VRTN: variants seen among roughly 807,000 people sequenced by gnomAD.
The protein encoded by VRTN is vertnin.
In VRTN, 5 loss-of-function variants were observed where a neutral mutation model predicts 18.2. The ratio of observed to expected loss-of-function variants is 0.27; its 90% CI spans 0.14 to 0.58. The LOEUF is 0.58. Among genes scored for constraint, VRTN ranks in the 20% least tolerant of loss-of-function variants. The probability of loss-of-function intolerance (pLI) is 0.91; values close to 1 mark genes in which losing one functional copy is unlikely to be tolerated. For synonymous variants in VRTN, 381 were observed against 393.7 expected (o/e 0.97, Z 0.38); for missense variants, 741 against 939.4 (o/e 0.79, Z 2.76).
intron 1 of VRTN, among the ~76,000 whole-genome samples, chr14:74,355,737 C>T (rs1458137767): frequency 1.3e-5 from 2 of 151,726 alleles, no homozygotes; most frequent in African/African-American, 4.8e-5. Flanking sequence ...AATGGGGTTT[C>T]ACTATGTTGG....
chr14:74,326,742 A>C (rs1459842751), intron 1 of VRTN, among the ~76,000 whole-genome samples: 2 of 152,012 alleles, frequency 1.3e-5, no homozygotes, highest in Non-Finnish European at 2.9e-5. Flanking sequence ...CGAGCTCCAC[A>C]CCACACCATT....
intron 1 of VRTN, among the ~76,000 whole-genome samples, chr14:74,331,541 ATTTT>A (rs1371429576): frequency 5.5e-4 from 28 of 50,698 alleles, no homozygotes; most frequent in African/African-American, 1.3e-3. Flanking sequence ...AAAAAAAAAA[ATTTT>A]ATATATATAT....
rs371475071 is a variant in VRTN at position 74,358,330 on chromosome 14, G to A, written c.1547G>A (p.Arg516His). Residue 516 changes from arginine (R) to histidine (H), a missense_variant, in exon 2 of 2, where the codon CGC (arginine) becomes CAC (histidine). Arg to His is a conservative substitution (Grantham distance 29). Transcript: ENST00000256362. The surrounding 1 kb of genome is among the most constrained non-coding windows in gnomAD (Gnocchi z 5.4). ...RWQRRLRRAA[R>H]RQVLSGHLPF... is the part of the protein sequence containing the mutation. ...CAGAGGCGTCTGCGCAGGGCTGCCCGCAGGCAGGTGCTGAGTGGGCATCTC... is the reference window on the plus strand; with the variant it reads ...CAGAGGCGTCTGCGCAGGGCTGCCCACAGGCAGGTGCTGAGTGGGCATCTC... 1.9e-5 allele frequency: 30 copies of A among 1,613,004 alleles called. No homozygotes were observed. The highest frequency in any genetic ancestry group is 6.7e-5 in the East Asian group (3 of 44,874).
At chr14:74,322,199 G>A (rs1366503258) in intron 1 of VRTN, among the ~76,000 whole-genome samples, 1 of 151,408 alleles carries the variant, frequency 6.6e-6, no homozygotes, top group Non-Finnish European at 1.5e-5. Flanking sequence ...CCATGCTGGA[G>A]TATAGTGGCA....
At chr14:74,354,840 T>TA (rs988708957) in intron 1 of VRTN, among the ~76,000 whole-genome samples, 16 of 152,186 alleles carry the variant, frequency 1.1e-4, no homozygotes, top group East Asian at 3.9e-4. Context: ...TTATACAGCA[T>TA]AAAAAATTAT....
upstream of VRTN, among the ~76,000 whole-genome samples, chr14:74,345,724 G>A (rs1293811427): frequency 6.6e-6 from 1 of 150,656 alleles, no homozygotes; most frequent in Non-Finnish European, 1.5e-5. Flanking sequence ...AGGAGTTCGA[G>A]ACCACCCCGG....
chr14:74,357,135 T>C lies in VRTN; in HGVS notation c.352T>C (p.Tyr118His). Residue 118 changes from tyrosine (Y) to histidine (H), a missense_variant, in exon 2 of 2, where the codon TAC becomes CAC. Tyr to His is a moderately conservative substitution (Grantham distance 83). Coordinates refer to ENST00000256362, the MANE Select transcript of VRTN (RefSeq NM_018228.3). The surrounding 1 kb of genome is among the most constrained non-coding windows in gnomAD (Gnocchi z 7.8). ...TVVEMLLHRH[Y>H]YLQGMIDSKV... ...GGTAGAGATGCTGCTGCACAGACAC[T>C]ACTACCTCCAGGGCATGATCGACTC... 1 of 1,598,454 alleles carries C rather than the reference T, an allele frequency of 6.3e-7. No individual in the cohort carries two copies. Among genetic ancestry groups the C allele is most frequent in the Non-Finnish European group, 8.5e-7 (1 of 1,173,770 alleles).
exon 1 of VRTN, chr14:74,303,075 AC>A: frequency 2.9e-6 from 2 of 685,780 alleles, no homozygotes; most frequent in Non-Finnish European, 4.5e-6. Flanking sequence ...CTCTAAAAGT[AC>A]CAGAGAGTGG....
chr14:74,351,876 G>A (rs549473577), intron 1 of VRTN, among the ~76,000 whole-genome samples: 241 of 151,842 alleles, frequency 1.6e-3, no homozygotes, highest in African/African-American at 5.5e-3. Flanking sequence ...ACGGAGTCTC[G>A]CTCTGTTTCC....
At chr14:74,330,184 T>G in intron 1 of VRTN, among the ~76,000 whole-genome samples, 1 of 151,722 alleles carries the variant, frequency 6.6e-6, no homozygotes, top group East Asian at 1.9e-4. Context: ...CTGGAAAGCA[T>G]TTTTTAAATC....
chr14:74,349,284 CCAGGGCCA>C (rs2085667452), intron 1 of VRTN, among the ~76,000 whole-genome samples: 2 of 151,824 alleles, frequency 1.3e-5, no homozygotes, highest in African/African-American at 2.4e-5. Flanking sequence ...CAGCTGGCCT[CCAGGGCCA>C]CCGGGGAGGG....
intron 1 of VRTN, among the ~76,000 whole-genome samples, chr14:74,330,123 C>T (rs1359802625): frequency 6.6e-6 from 1 of 152,030 alleles, no homozygotes; most frequent in Non-Finnish European, 1.5e-5. Flanking sequence ...GATCTGCCTG[C>T]CTCGGCCTCC....
chr14:74,327,083 C>T (rs1171557420), intron 1 of VRTN, among the ~76,000 whole-genome samples: 2 of 152,152 alleles, frequency 1.3e-5, no homozygotes, highest in African/African-American at 4.8e-5. Context: ...GGTTGGTTCC[C>T]TATCTCCTTG....
rs2085659379 is a variant in VRTN, at chr14:74,348,554, C to T, written c.-100C>T. The stretch of plus-strand genomic sequence containing the variant: ...AGTGAGACGAGCTCGGCTGGGGACG[C>T]TACTTGAGAAGGCCTTTCCCCACAG... On this transcript the variant is annotated 5_prime_UTR_variant, in exon 1 of 2. Transcript: ENST00000256362. 6.6e-6 allele frequency: 1 copy of T among 152,334 alleles called. No homozygotes were observed. The highest frequency in any genetic ancestry group is 2.1e-4 in the South Asian group (1 of 4,832). 9.4% of individuals were successfully genotyped at this position (152,334 alleles called of 1,614,324 possible).
intron 2 of VRTN, among the ~76,000 whole-genome samples, chr14:74,341,237 C>G (rs2085603812): frequency 6.6e-6 from 1 of 152,116 alleles, no homozygotes; most frequent in African/African-American, 2.4e-5. Context: ...CTCACAGCAA[C>G]CTCTCTGGGG....
Position 74,357,768 on chromosome 14 carries a change from G to A in VRTN, c.985G>A (p.Val329Ile), listed in dbSNP as rs1024151316. Reference protein sequence around the residue: ...FLQDSFHRGGVVPLQQFLQRF... With the variant: ...FLQDSFHRGGIVPLQQFLQRF... Reference sequence around the variant, plus strand: ...GCAGGACAGCTTCCACCGGGGGGGCGTCGTGCCACTTCAGCAGTTCCTCCA... The same window carrying A: ...GCAGGACAGCTTCCACCGGGGGGGCATCGTGCCACTTCAGCAGTTCCTCCA... The change falls in exon 2 of 2, where the codon GTC becomes ATC. Residue 329 changes from valine (V) to isoleucine (I), a missense_variant. Val to Ile is a conservative substitution (Grantham distance 29). Around this residue, in one of 3 missense-constraint regions of VRTN, gnomAD observed 494 missense variants for 546.5 expected, o/e 0.90. Coordinates refer to ENST00000256362, the MANE Select transcript of VRTN (RefSeq NM_018228.3). This position sits in a 1 kb window ranked among gnomAD's most constrained non-coding sequence, Gnocchi z 7.8. 1.1e-5 allele frequency: 17 copies of A among 1,612,900 alleles called. No homozygotes were observed. The highest frequency in any genetic ancestry group is 4.4e-5 in the South Asian group (4 of 91,086).
intron 1 of VRTN, among the ~76,000 whole-genome samples, chr14:74,325,417 T>G (rs1231903770): frequency 1.4e-5 from 2 of 145,296 alleles, no homozygotes; most frequent in African/African-American, 2.7e-5. Flanking sequence ...TTCCACCAAT[T>G]ATCAAACCAA....
chr14:74,336,727 C>A (rs1373204987), intron 1 of VRTN, among the ~76,000 whole-genome samples: 1 of 150,454 alleles, frequency 6.6e-6, no homozygotes, highest in East Asian at 2.0e-4. Flanking sequence ...CAGTTGAGAT[C>A]GTGCCATTGC....
chr14:74,333,198 C>A (rs1426618780), intron 1 of VRTN, among the ~76,000 whole-genome samples: 1 of 152,004 alleles, frequency 6.6e-6, no homozygotes, highest in Non-Finnish European at 1.5e-5. Flanking sequence ...GCCTGACCAA[C>A]ATGGTGAAAC....
Sources: gnomAD v4.1 joint callset for allele counts (sites outside exome capture counted in the v4.1 genomes callset) on GRCh38, gnomAD v4.1.1 for gene constraint, gnomAD v4.1.1 regional missense constraint, Gnocchi (gnomAD v3.1) non-coding constraint, MANE v1.5 for transcripts, NCBI Gene and HGNC (gene_info 2026-07-23, HGNC 2026-07-21) for gene names.